TANC1: variants seen among roughly 807,000 people sequenced by gnomAD.
TANC1 encodes protein TANC1.
A neutral mutation model predicts 149.7 loss-of-function variants in TANC1; 77 were observed. That is an observed-to-expected ratio of 0.51 (90% CI 0.43 to 0.62). The LOEUF is 0.62. Ranked by LOEUF, TANC1 falls within the 20% of genes least tolerant of loss-of-function variation. The pLI, the probability that TANC1 is intolerant of heterozygous loss-of-function variation, is 0.00. For missense variants in TANC1, 1,985 were observed against 2,321.8 expected, an observed-to-expected ratio of 0.85 and a Z score of 2.98; for synonymous variants, 854 against 925.0, an observed-to-expected ratio of 0.92 and a Z score of 1.39.
At chr2:159,159,847 T>C (rs1246685654) in intron 7 of TANC1, among the ~76,000 whole-genome samples, 1 of 151,872 alleles carries the variant, frequency 6.6e-6, no homozygotes, top group East Asian at 1.9e-4. Flanking sequence ...TGTGATCAGG[T>C]ATACGCCCTG....
rs768693425 is a variant in TANC1, at chr2:159,230,470, T to C, written c.5044T>C (p.Leu1682=). ...SIKMSSSTSS[L]TSSSSFSDGF... is the part of the protein sequence containing the mutation. The stretch of plus-strand genomic sequence containing the variant: ...AAAGATGTCAAGTTCAACCAGTAGT[T>C]TGACTTCGAGCAGCAGTTTTTCAGA... The change falls in exon 27 of 27, where the codon TTG becomes CTG. Residue 1682 remains leucine (L), a synonymous_variant. Transcript: ENST00000263635. This position sits in a 1 kb window ranked among gnomAD's most constrained non-coding sequence, Gnocchi z 4.4. 5 of 1,614,178 alleles carry C rather than the reference T, an allele frequency of 3.1e-6. No homozygotes were observed. In the Admixed American group the frequency reaches 6.7e-5, roughly 22 times the overall value.
At chr2:158,982,596 T>C (rs2034504289) in intron 1 of TANC1, among the ~76,000 whole-genome samples, 1 of 152,212 alleles carries the variant, frequency 6.6e-6, no homozygotes, top group Non-Finnish European at 1.5e-5. Flanking sequence ...TATTTTATTC[T>C]GTTTTACTTC....
At chr2:159,140,908 C>T (rs954980136) in intron 5 of TANC1, among the ~76,000 whole-genome samples, 30 of 152,024 alleles carry the variant, frequency 2.0e-4, no homozygotes, top group Admixed American at 5.2e-4. Flanking sequence ...CCAAGCTGGT[C>T]TCAAACTCCT....
chr2:159,230,297 C>G lies in TANC1; in HGVS notation c.4871C>G (p.Thr1624Arg). 2 of 1,614,146 alleles carry G rather than the reference C, an allele frequency of 1.2e-6. No homozygotes were observed. Among genetic ancestry groups the G allele is most frequent in the Non-Finnish European group, 1.7e-6 (2 of 1,180,040 alleles). Residue 1624 changes from threonine to arginine, a missense_variant, in exon 27 of 27, where the codon ACG becomes AGG. Physicochemically the swap from Thr to Arg is moderately conservative, Grantham distance 71 (BLOSUM62 -1). Around this residue, in one of 3 missense-constraint regions of TANC1, gnomAD observed 920 missense variants for 994.7 expected, o/e 0.92. Transcript: ENST00000263635. This position sits in a 1 kb window ranked among gnomAD's most constrained non-coding sequence, Gnocchi z 4.4. ...CCTGCACACCCTTTACCAAGTAAGACGAAAACCACAGAGAGGCTTCTGTCT... is the reference window on the plus strand; with the variant it reads ...CCTGCACACCCTTTACCAAGTAAGAGGAAAACCACAGAGAGGCTTCTGTCT... ...NGPAHPLPSK[T>R]KTTERLLSHS...
chr2:159,137,616 G>A (rs1160713073), intron 5 of TANC1, among the ~76,000 whole-genome samples: 1 of 152,196 alleles, frequency 6.6e-6, no homozygotes, highest in Non-Finnish European at 1.5e-5. Flanking sequence ...GGCCTCTCTT[G>A]ATTGTGCGTT....
At chr2:159,142,834 C>T (rs532049827) in intron 5 of TANC1, among the ~76,000 whole-genome samples, 31 of 151,634 alleles carry the variant, frequency 2.0e-4, no homozygotes, top group Admixed American at 5.3e-4. Flanking sequence ...GAGGCCAAGG[C>T]GGGCGGATTG....
chr2:159,199,475 GC>G (rs1434769870), intron 19 of TANC1, among the ~76,000 whole-genome samples: 3 of 152,196 alleles, frequency 2.0e-5, no homozygotes, highest in Non-Finnish European at 4.4e-5. Context: ...GCAGTGGCCT[GC>G]CCTGCCCTGT....
chr2:159,141,859 A>T (rs894513415), intron 5 of TANC1, among the ~76,000 whole-genome samples: 1 of 152,192 alleles, frequency 6.6e-6, no homozygotes, highest in African/African-American at 2.4e-5. Flanking sequence ...TCTGGTAATC[A>T]TGGATTTTTC....
intron 2 of TANC1, among the ~76,000 whole-genome samples, chr2:159,046,905 C>T (rs1178057459): frequency 6.6e-6 from 1 of 151,968 alleles, no homozygotes; most frequent in Admixed American, 6.6e-5. Context: ...GTGCCCCGCC[C>T]CTTTGCACCA....
chr2:159,093,170 C>T (rs762264974), intron 3 of TANC1, among the ~76,000 whole-genome samples: 15 of 152,208 alleles, frequency 9.9e-5, no homozygotes, highest in Admixed American at 2.0e-4. Context: ...GAGGTTGCAT[C>T]GTCCTACCTG....
rs2051322721 is a variant in TANC1, at chr2:159,141,093, G to A, written c.364+4795G>A. 2.0e-5 allele frequency among the ~76,000 whole-genome samples: 3 copies of A among 152,284 alleles called. No individual in the cohort carries two copies. The South Asian group carries it at 6.2e-4, about 32-fold the overall frequency. ...TGCTATAACAAAAATACCATAAACT[G>A]AGTGGTTGATAAACAACAGTAATTT... On this transcript the variant is annotated intron_variant, in intron 5 of 26. Coordinates refer to ENST00000263635, the MANE Select transcript of TANC1 (RefSeq NM_033394.3).
intron 5 of TANC1, among the ~76,000 whole-genome samples, chr2:159,144,366 G>A (rs2051805629): frequency 6.6e-6 from 1 of 152,070 alleles, no homozygotes; most frequent in African/African-American, 2.4e-5. Context: ...GTCCATGGAT[G>A]GATGTTCCTT....
At chr2:158,993,197 C>G (rs754268408) in intron 1 of TANC1, among the ~76,000 whole-genome samples, 4 of 152,166 alleles carry the variant, frequency 2.6e-5, no homozygotes, top group African/African-American at 9.7e-5. Context: ...AGTGGGTGAA[C>G]TCAAACTTTG....
intron 2 of TANC1, among the ~76,000 whole-genome samples, chr2:159,006,793 A>T (rs562177228): frequency 6.6e-6 from 1 of 152,190 alleles, no homozygotes; most frequent in Non-Finnish European, 1.5e-5. Context: ...TGTTAGACAG[A>T]TTGAATATAG....
At chr2:159,228,684 C>T in intron 25 of TANC1, 112 bp from the exon 26 acceptor site, 1 of 714,820 alleles carries the variant, frequency 1.4e-6, no homozygotes, top group Non-Finnish European at 2.5e-6. Context: ...TCCCTTCCTC[C>T]CTCTCTGGCT....
chr2:159,136,051 C>CGTGTGCGT (rs1450828516), intron 4 of TANC1, 143 bp from the exon 5 acceptor site: 1 of 126,168 alleles, frequency 7.9e-6, no homozygotes, highest in Non-Finnish European at 1.6e-5. Flanking sequence ...TGTGTGTGTG[C>CGTGTGCGT]GCGCGCGCGC....
intron 2 of TANC1, among the ~76,000 whole-genome samples, chr2:159,031,848 C>T (rs549622178): frequency 6.6e-6 from 1 of 152,278 alleles, no homozygotes; most frequent in Non-Finnish European, 1.5e-5. Flanking sequence ...AGAATTTATT[C>T]CTTGGCTCTG....
At chr2:158,982,828 C>T (rs1406658551) in intron 1 of TANC1, among the ~76,000 whole-genome samples, 3 of 152,002 alleles carry the variant, frequency 2.0e-5, no homozygotes, top group African/African-American at 7.3e-5. Context: ...TCTGCTATGT[C>T]ACCCAGGCTG....
chr2:159,179,092 C>A lies in TANC1; in HGVS notation c.2439C>A (p.Cys813Ter). The change falls in exon 14 of 27, where the codon TGC (cysteine) becomes TGA (stop). Residue 813 changes from cysteine to a stop codon, truncating the protein, a stop_gained. Transcript: ENST00000263635. LOFTEE classifies it high-confidence loss of function. ...GGCGAGACAAAACCCGCATGTTCTG[C>A]CACCCGTCCTTCAGGGAGTGGCTTG... is the stretch of plus-strand genomic sequence containing the variant. The part of the protein sequence containing the change: ...IKRRDKTRMF[C>*]HPSFREWLVW... The A allele has an allele frequency of 1.9e-6, 3 of 1,613,788 alleles. No individual in the cohort carries two copies. Among genetic ancestry groups the A allele is most frequent in the Non-Finnish European group, 2.5e-6 (3 of 1,179,982 alleles).
Sources: gnomAD v4.1 joint callset for allele counts (sites outside exome capture counted in the v4.1 genomes callset) on GRCh38, gnomAD v4.1.1 for gene constraint, gnomAD v4.1.1 regional missense constraint, Gnocchi (gnomAD v3.1) non-coding constraint, MANE v1.5 for transcripts, NCBI Gene and HGNC (gene_info 2026-07-23, HGNC 2026-07-21) for gene names.